The following NSRP1 variants were observed in gnomAD, a reference collection of about 807,000 sequenced individuals.
NSRP1 encodes the protein nuclear speckle splicing regulatory protein 1.
Under a neutral mutation model 54.7 loss-of-function variants are expected in NSRP1, and 24 were observed. The ratio of observed to expected loss-of-function variants is 0.44; its 90% CI spans 0.32 to 0.62. The LOEUF (loss-of-function observed/expected upper bound fraction) is 0.62, where lower values mean the gene tolerates loss of function less well. Ranked by LOEUF, NSRP1 falls within the 20% of genes least tolerant of loss-of-function variation. The pLI, the probability that NSRP1 is intolerant of heterozygous loss-of-function variation, is 0.06. For synonymous variants in NSRP1, 210 were observed against 213.8 expected (o/e 0.98, Z 0.15); for missense variants, 596 against 651.2 (o/e 0.92, Z 0.92).
At chr17:30,173,221 C>T (rs988478480) in intron 3 of NSRP1, among the ~76,000 whole-genome samples, 2 of 152,334 alleles carry the variant, frequency 1.3e-5, no homozygotes, top group African/African-American at 4.8e-5. Flanking sequence ...ACCTCAGCCT[C>T]CTGAAGTGCT....
At chr17:30,122,337 T>C (rs1219974168) in intron 2 of NSRP1, 1 of 116,170 alleles carries the variant, frequency 8.6e-6, no homozygotes, top group Non-Finnish European at 1.7e-5. Context: ...CTGGTTCATA[T>C]GATAACTCTG....
chr17:30,173,436 A>T (rs1905026569), intron 3 of NSRP1, among the ~76,000 whole-genome samples: 1 of 152,092 alleles, frequency 6.6e-6, no homozygotes, highest in Non-Finnish European at 1.5e-5. Flanking sequence ...AGGTTTACTA[A>T]TTTTTCTGCT....
At chr17:30,129,462 G>A (rs1160504995) in intron 2 of NSRP1, among the ~76,000 whole-genome samples, 1 of 150,936 alleles carries the variant, frequency 6.6e-6, no homozygotes, top group Non-Finnish European at 1.5e-5. Flanking sequence ...AAAGTAAGAA[G>A]CATTAGCAAG....
intron 2 of NSRP1, among the ~76,000 whole-genome samples, chr17:30,164,280 A>G (rs1344047515): frequency 6.6e-6 from 1 of 152,194 alleles, no homozygotes; most frequent in Non-Finnish European, 1.5e-5. Flanking sequence ...AAGTTAAAAC[A>G]TTTGGAAGGA....
At chr17:30,160,806 C>CAGAT (rs1171780703) in intron 2 of NSRP1, among the ~76,000 whole-genome samples, 1 of 152,118 alleles carries the variant, frequency 6.6e-6, no homozygotes, top group East Asian at 1.9e-4. Flanking sequence ...CTGCATAAGA[C>CAGAT]AGATCTGTGC....
intron 2 of NSRP1, among the ~76,000 whole-genome samples, chr17:30,132,387 T>A (rs778743851): frequency 6.6e-6 from 1 of 151,894 alleles, no homozygotes; most frequent in Admixed American, 6.6e-5. Context: ...ACCCCGTCTC[T>A]ACTAAAAAAT....
chr17:30,121,247 A>G (rs1361899261), intron 2 of NSRP1, among the ~76,000 whole-genome samples: 1 of 152,206 alleles, frequency 6.6e-6, no homozygotes, highest in Non-Finnish European at 1.5e-5. Flanking sequence ...TAACTCTTGA[A>G]TTGTAAAACA....
intron 2 of NSRP1, among the ~76,000 whole-genome samples, chr17:30,171,683 T>C (rs1375725576): frequency 1.3e-5 from 2 of 152,184 alleles, no homozygotes; most frequent in East Asian, 3.8e-4. Flanking sequence ...TTTCAGTCTC[T>C]GGCCTAAGAC....
chr17:30,171,934 TCACACA>T lies in NSRP1; in HGVS notation c.115-574_115-569del, dbSNP rs746244255. 3.9e-3 allele frequency among the ~76,000 whole-genome samples: 442 copies of T among 113,386 alleles called. 4 individuals carry two copies. Among genetic ancestry groups the T allele is most frequent in the African/African-American group, 0.01 (304 of 29,152 alleles). 74.4% of individuals were successfully genotyped at this position (113,386 alleles called of 152,430 possible). On this transcript the variant is annotated intron_variant, in intron 2 of 6. Transcript: ENST00000247026. Reference sequence around the variant, plus strand: ...ATCTAGACCAGTCTTTCCCCATTTCTCACACACACACACACACACACACACACACAC... The same window carrying T: ...ATCTAGACCAGTCTTTCCCCATTTCTCACACACACACACACACACACACAC...
chr17:30,176,912 T>A (rs1181451274), intron 3 of NSRP1, among the ~76,000 whole-genome samples: 1 of 152,230 alleles, frequency 6.6e-6, no homozygotes, highest in Non-Finnish European at 1.5e-5. Flanking sequence ...GTCTATCAGA[T>A]AGATTCTTTT....
chr17:30,151,774 CTTT>C (rs780507533), intron 2 of NSRP1, among the ~76,000 whole-genome samples: 4 of 48,920 alleles, frequency 8.2e-5, no homozygotes, highest in Non-Finnish European at 1.2e-4. Flanking sequence ...TTGTCACTTT[CTTT>C]TTTTTTTTTT....
chr17:30,166,752 A>G (rs1362090567), intron 2 of NSRP1, among the ~76,000 whole-genome samples: 2 of 152,138 alleles, frequency 1.3e-5, no homozygotes, highest in African/African-American at 4.8e-5. Flanking sequence ...GCAGAACCCC[A>G]TCTCTACTAA....
At chr17:30,163,976 G>A (rs750309121) in intron 2 of NSRP1, among the ~76,000 whole-genome samples, 2 of 151,980 alleles carry the variant, frequency 1.3e-5, no homozygotes, top group Admixed American at 6.6e-5. Context: ...ATGAGCCACC[G>A]TACCCGGCCA....
At chr17:30,145,199 A>T (rs756931521) in intron 2 of NSRP1, among the ~76,000 whole-genome samples, 8 of 152,206 alleles carry the variant, frequency 5.3e-5, no homozygotes, top group Non-Finnish European at 1.0e-4. Context: ...AAAAATTCTC[A>T]TACATGTCCC....
At chr17:30,165,519 C>G (rs1010329148) in intron 2 of NSRP1, among the ~76,000 whole-genome samples, 11 of 152,172 alleles carry the variant, frequency 7.2e-5, no homozygotes, top group Non-Finnish European at 1.5e-4. Context: ...CACCCCAAAC[C>G]AGGACAATTA....
chr17:30,158,624 T>G (rs1904405409), intron 2 of NSRP1, among the ~76,000 whole-genome samples: 1 of 144,534 alleles, frequency 6.9e-6, no homozygotes, highest in African/African-American at 2.4e-5. Flanking sequence ...TAATCCATTT[T>G]GTTTTGATTT....
intron 3 of NSRP1, among the ~76,000 whole-genome samples, chr17:30,177,223 T>G (rs971260212): frequency 1.3e-5 from 2 of 151,588 alleles, no homozygotes; most frequent in Admixed American, 1.3e-4. Flanking sequence ...ATATAAAAAT[T>G]AGCCAGGCAT....
intron 2 of NSRP1, chr17:30,168,217 A>C (rs1047729802): frequency 6.6e-6 from 1 of 152,160 alleles, no homozygotes; most frequent in Non-Finnish European, 1.5e-5. Flanking sequence ...TCTCTCAGGT[A>C]ATCTGTAGCC....
chr17:30,153,826 CT>C (rs2071936062), intron 2 of NSRP1, among the ~76,000 whole-genome samples: 1 of 152,108 alleles, frequency 6.6e-6, no homozygotes, highest in Admixed American at 6.5e-5. Context: ...GCTGTTTTAG[CT>C]TAAGTAAAAT....
Sources: gnomAD v4.1 joint callset for allele counts (sites outside exome capture counted in the v4.1 genomes callset) on GRCh38, gnomAD v4.1.1 for gene constraint, MANE v1.5 for transcripts, NCBI Gene and HGNC (gene_info 2026-07-23, HGNC 2026-07-21) for gene names.